AHRR: variants seen among roughly 807,000 people sequenced by gnomAD.
The protein encoded by AHRR is ahR repressor.
Under a neutral mutation model 44.0 loss-of-function variants are expected in AHRR, and 28 were observed. That is an observed-to-expected ratio of 0.64 (90% CI 0.47 to 0.87). The LOEUF is 0.87. Among genes scored for constraint, AHRR ranks in the 40% least tolerant of loss-of-function variants. AHRR has a pLI of 0.00. For synonymous variants in AHRR, 434 were observed against 407.0 expected (o/e 1.07, Z -0.80); for missense variants, 990 against 953.9 (o/e 1.04, Z -0.50).
chr5:389,376 G>A lies in AHRR; in HGVS notation c.351+12660G>A, dbSNP rs542838457. Among the ~76,000 whole-genome samples the A allele has an allele frequency of 3.9e-5, 6 of 152,324 alleles. No individual in the cohort carries two copies. The East Asian group carries it at 5.8e-4, about 15-fold the overall frequency. ...GCTGGGAAGTGGCACAGTGGCCACC[G>A]GTGCCCGAGCGACTCGGATCACATT... On this transcript the variant is annotated intron_variant, in intron 4 of 10. Coordinates refer to ENST00000684583, the MANE Select transcript of AHRR (RefSeq NM_001377236.1).
At chr5:379,332 G>C (rs183404772) in intron 4 of AHRR, among the ~76,000 whole-genome samples, 2 of 152,314 alleles carry the variant, frequency 1.3e-5, no homozygotes, top group Non-Finnish European at 2.9e-5. Flanking sequence ...CAACTGTTGA[G>C]GGATATTTGG....
At chr5:403,704 T>C in intron 4 of AHRR, 2 of 856,660 alleles carry the variant, frequency 2.3e-6, no homozygotes, top group South Asian at 1.7e-5. Flanking sequence ...TTACTTTCTC[T>C]CAGAGGCATA....
chr5:412,480 A>G (rs996487935), intron 4 of AHRR, among the ~76,000 whole-genome samples: 17 of 152,196 alleles, frequency 1.1e-4, no homozygotes, highest in African/African-American at 3.4e-4. Context: ...ATGGTTGTGT[A>G]TACTGTATGC....
intron 4 of AHRR, among the ~76,000 whole-genome samples, chr5:382,603 G>A (rs750330080): frequency 6.6e-6 from 1 of 151,696 alleles, no homozygotes; most frequent in Non-Finnish European, 1.5e-5. Flanking sequence ...GCAGCTATTG[G>A]TTTTATTTTC....
chr5:395,354 T>G lies in AHRR; in HGVS notation c.352-17990T>G, dbSNP rs61605057. Among the ~76,000 whole-genome samples, 11,144 of 151,828 alleles carry G rather than the reference T, an allele frequency of 0.073. 540 individuals are homozygous for G. The highest frequency in any genetic ancestry group is 0.13 in the African/African-American group (5,443 of 41,370). ...CGCCAGGCTGAGCAGGGTCCGAAAA[T>G]TAGGGGAATAAAAGTCCCGGGAGAG... is the stretch of plus-strand genomic sequence containing the variant. On this transcript the variant is annotated intron_variant, in intron 4 of 10. Coordinates refer to ENST00000684583, the MANE Select transcript of AHRR (RefSeq NM_001377236.1). The surrounding 1 kb of genome is among the most constrained non-coding windows in gnomAD (Gnocchi z 5.3).
rs1232120643 is a variant in AHRR at position 387,695 on chromosome 5, G to A, written c.351+10979G>A. Among the ~76,000 whole-genome samples, 1 of 152,196 alleles carries A rather than the reference G, an allele frequency of 6.6e-6. No homozygotes were observed. The highest frequency in any genetic ancestry group is 2.4e-5 in the African/African-American group (1 of 41,442). ...ATACCGGTAACACATAGTGGTGATG[G>A]TGGTGGACGCTCGTGTTTTCTGAGT... On this transcript the variant is annotated intron_variant, in intron 4 of 10. Coordinates refer to ENST00000684583, the MANE Select transcript of AHRR (RefSeq NM_001377236.1). The surrounding 1 kb of genome is among the most constrained non-coding windows in gnomAD (Gnocchi z 5.1).
intron 4 of AHRR, among the ~76,000 whole-genome samples, chr5:392,045 T>C (rs1333126627): frequency 3.1e-3 from 2 of 640 alleles, no homozygotes; most frequent in Non-Finnish European, 2.8e-3. Flanking sequence ...GGGCGCAGGG[T>C]GAGGCAGGGC....
At chr5:400,653 T>C (rs981546296) in intron 4 of AHRR, among the ~76,000 whole-genome samples, 5 of 152,104 alleles carry the variant, frequency 3.3e-5, no homozygotes, top group African/African-American at 1.2e-4. Context: ...GGCCCACATG[T>C]GTAAAAGTAT....
chr5:432,829 G>A lies in AHRR; in HGVS notation c.994G>A (p.Val332Ile), dbSNP rs183963087. 2.2e-5 allele frequency: 36 copies of A among 1,613,876 alleles called. No individual in the cohort carries two copies. In the South Asian group the frequency reaches 2.9e-4, roughly 13 times the overall value. Residue 332 changes from valine to isoleucine, a missense_variant, in exon 10 of 11, where the codon GTT becomes ATT. Transcript: ENST00000684583. ...AGGAAGGAGCAGCAGAGAGAGCGGC[G>A]TTTTGGTGCTCAGGGAACAGACTGA... ...SAGRSSRESG[V>I]LVLREQTDAG...
chr5:386,723 G>A (rs997330590), intron 4 of AHRR, among the ~76,000 whole-genome samples: 1 of 152,244 alleles, frequency 6.6e-6, no homozygotes, highest in Non-Finnish European at 1.5e-5. Context: ...TGAGTGTGTG[G>A]TAATGTGCTA....
intron 4 of AHRR, among the ~76,000 whole-genome samples, chr5:412,466 C>T (rs1040796252): frequency 6.6e-6 from 1 of 152,100 alleles, no homozygotes; most frequent in Non-Finnish European, 1.5e-5. Flanking sequence ...TGACTCGTGT[C>T]TTGATGGTTG....
At chr5:398,228 C>A (rs1257766989) in intron 4 of AHRR, among the ~76,000 whole-genome samples, 2 of 150,682 alleles carry the variant, frequency 1.3e-5, no homozygotes, top group East Asian at 3.9e-4. Flanking sequence ...AGCTCCTGAC[C>A]ATCCATGTTA....
At chr5:343,991 T>A in intron 2 of AHRR, 27 bp downstream of exon 2, 7 of 1,587,942 alleles carry the variant, frequency 4.4e-6, no homozygotes, top group Non-Finnish European at 6.0e-6. Context: ...TCTGCTTGTG[T>A]GGGTTGTTGC....
chr5:353,501 T>G lies in AHRR; in HGVS notation c.63-229T>G, dbSNP rs527630547. Among the ~76,000 whole-genome samples, 44 of 152,264 alleles carry G rather than the reference T, an allele frequency of 2.9e-4. No homozygotes were observed. In the South Asian group the frequency reaches 7.2e-3, roughly 25 times the overall value. ...GCTGCGGTTCTCCGGCTGGTTTGCT[T>G]CTTCTCTCTACATCCCCTCCAGATA... On this transcript the variant is annotated intron_variant, in intron 2 of 10. Transcript: ENST00000684583.
At chr5:422,993 C>A in intron 6 of AHRR, 135 bp downstream of exon 6, 1 of 1,264,152 alleles carries the variant, frequency 7.9e-7, no homozygotes, top group Non-Finnish European at 1.1e-6. Flanking sequence ...CCAAATCTCA[C>A]CTTTCTTCAG....
rs979581913 is a variant in AHRR at position 437,530 on chromosome 5, G to A, written c.*2696G>A. On this transcript the variant is annotated 3_prime_UTR_variant, in exon 11 of 11. Transcript: ENST00000684583. ...TTTGCGATTGTAGCCAGGCCCTTCA[G>A]TGTCATCAAAGGAGCACTGGGGCCT... is the stretch of plus-strand genomic sequence containing the variant. The A allele has an allele frequency of 6.6e-6, 1 of 152,386 alleles. No homozygotes were observed. The highest frequency in any genetic ancestry group is 1.5e-5 in the Non-Finnish European group (1 of 68,072). 9.4% of individuals were successfully genotyped at this position (152,386 alleles called of 1,614,324 possible).
At chr5:413,462 C>A (rs777793112) in intron 5 of AHRR, 29 bp downstream of exon 5, 6 of 1,468,758 alleles carry the variant, frequency 4.1e-6, no homozygotes, top group Middle Eastern at 1.7e-4. Context: ...GCCCTCCAGT[C>A]TGTTAAGTGC....
In AHRR at chr5:387,438, G is replaced by A. The variant is rs1405988873; in HGVS notation, c.351+10722G>A. Among the ~76,000 whole-genome samples the A allele has an allele frequency of 1.3e-5, 2 of 152,200 alleles. No individual in the cohort carries two copies. Among genetic ancestry groups the A allele is most frequent in the African/African-American group, 4.8e-5 (2 of 41,438 alleles). On this transcript the variant is annotated intron_variant, in intron 4 of 10. Coordinates refer to ENST00000684583, the MANE Select transcript of AHRR (RefSeq NM_001377236.1). This position sits in a 1 kb window ranked among gnomAD's most constrained non-coding sequence, Gnocchi z 5.1. ...GGATTGCCCTCTTCTTGTACAGCAG[G>A]GACCCCATTGTGGGGGTCCTCCATC...
At chr5:336,444 T>C (rs572881761) in intron 1 of AHRR, among the ~76,000 whole-genome samples, 16 of 152,376 alleles carry the variant, frequency 1.1e-4, no homozygotes, top group African/African-American at 3.8e-4. Flanking sequence ...GAAATGCTTC[T>C]AGTCAACCAC....
Sources: allele counts gnomAD v4.1 joint callset (sites outside exome capture counted in the v4.1 genomes callset), GRCh38; gene constraint gnomAD v4.1.1; non-coding constraint Gnocchi (gnomAD v3.1); transcripts MANE v1.5; gene names NCBI Gene and HGNC (gene_info 2026-07-23, HGNC 2026-07-21).